Variants in GTF3C3 observed in about 807,000 individuals in gnomAD.
GTF3C3 encodes general transcription factor 3C polypeptide 3.
A neutral mutation model predicts 105.2 loss-of-function variants in GTF3C3; 75 were observed. That is an observed-to-expected ratio of 0.71 (90% CI 0.59 to 0.86). GTF3C3 has a LOEUF of 0.86. GTF3C3 is among the 40% of genes least tolerant of loss of function. The pLI, the probability that GTF3C3 is intolerant of heterozygous loss-of-function variation, is 0.00. For missense variants in GTF3C3, 856 were observed against 1,076.5 expected (o/e 0.80, Z 2.87); for synonymous variants, 335 against 370.4 (o/e 0.90, Z 1.10).
intron 8 of GTF3C3, among the ~76,000 whole-genome samples, chr2:196,782,628 A>C (rs1576028000): frequency 2.0e-5 from 3 of 152,260 alleles, no homozygotes; most frequent in African/African-American, 4.8e-5. Flanking sequence ...TGCAAACAAA[A>C]AAAAAAAATA....
chr2:196,792,926 T>G, intron 3 of GTF3C3, 30 bp downstream of exon 3: 1 of 1,488,386 alleles, frequency 6.7e-7, no homozygotes, highest in Non-Finnish European at 9.3e-7. Flanking sequence ...TCTTCATTGT[T>G]TATAAATACC....
In GTF3C3 at chr2:196,764,592, T is replaced by G. The variant is rs1174617096; in HGVS notation, c.2632A>C (p.Thr878Pro). The G allele has an allele frequency of 6.2e-7, 1 of 1,613,972 alleles. No homozygotes were observed. The highest frequency in any genetic ancestry group is 8.5e-7 in the Non-Finnish European group (1 of 1,179,858). Residue 878 changes from threonine to proline, a missense_variant, in exon 18 of 18, where the codon ACG becomes CCG. Thr to Pro is a conservative substitution (Grantham distance 38). Transcript: ENST00000263956. The stretch of plus-strand genomic sequence containing the variant: ...ATAGAACAATAGGTATACAAAAGCG[T>G]TTGAGCCATTCCGGTATTCCCACTG... ...QSSGNTGMAQ[T>P]LLYTYCSI is the part of the protein sequence containing the mutation.
chr2:196,787,702 T>C (rs1294384915), intron 6 of GTF3C3, among the ~76,000 whole-genome samples: 1 of 152,180 alleles, frequency 6.6e-6, no homozygotes, highest in Non-Finnish European at 1.5e-5. Flanking sequence ...CTTATCAACA[T>C]CTGATGTACT....
At chr2:196,783,947 C>G (rs1296621093) in intron 8 of GTF3C3, among the ~76,000 whole-genome samples, 1 of 152,148 alleles carries the variant, frequency 6.6e-6, no homozygotes, top group Non-Finnish European at 1.5e-5. Context: ...CTTTCCACTT[C>G]AACATTTATC....
Position 196,797,878 on chromosome 2 carries a change from C to T in GTF3C3, c.133G>A (p.Glu45Lys), listed in dbSNP as rs369631581. The change falls in exon 2 of 18, where the codon GAA becomes AAA. Residue 45 changes from glutamate (E) to lysine (K), a missense_variant. By Grantham distance (56) the Glu-to-Lys change is moderately conservative (BLOSUM62 1). Coordinates refer to ENST00000263956, the MANE Select transcript of GTF3C3 (RefSeq NM_012086.5). ...SLQEKGKLSA[E>K]ENPDDSEVPS... is the part of the protein sequence containing the mutation. ...ACTTCAGAGTCATCGGGATTTTCTTCAGCTGATAACTTGCCTTTTTCCTGA... is the reference window on the plus strand; with the variant it reads ...ACTTCAGAGTCATCGGGATTTTCTTTAGCTGATAACTTGCCTTTTTCCTGA... 1 of 1,610,922 alleles carries T rather than the reference C, an allele frequency of 6.2e-7. No individual in the cohort carries two copies. Among genetic ancestry groups the T allele is most frequent in the Non-Finnish European group, 8.5e-7 (1 of 1,177,216 alleles).
chr2:196,779,860 T>C (rs958916559), intron 9 of GTF3C3, among the ~76,000 whole-genome samples: 1 of 152,080 alleles, frequency 6.6e-6, no homozygotes, highest in African/African-American at 2.4e-5. Context: ...TTTGTATTTT[T>C]TGTAGGCGTA....
At chr2:196,777,039 A>T (rs1279382926) in intron 10 of GTF3C3, among the ~76,000 whole-genome samples, 3 of 152,234 alleles carry the variant, frequency 2.0e-5, no homozygotes, top group Non-Finnish European at 2.9e-5. Flanking sequence ...TCGGCAGACC[A>T]GTGTAACCCA....
intron 3 of GTF3C3, 22 bp downstream of exon 3, chr2:196,792,934 A>G (rs979588928): frequency 1.3e-6 from 2 of 1,534,424 alleles, no homozygotes; most frequent in African/African-American, 2.7e-5. Context: ...GTTTATAAAT[A>G]CCAAAATAAG....
chr2:196,772,005 A>G, intron 14 of GTF3C3, 67 bp from the exon 15 acceptor site: 2 of 1,041,502 alleles, frequency 1.9e-6, no homozygotes, highest in Non-Finnish European at 3.0e-6. Context: ...TAAAAATGAA[A>G]CCCTTCAGTG....
Position 196,785,500 on chromosome 2 carries a change from CTTCCATGGAG to C in GTF3C3, c.972_981del (p.Ser325MetfsTer4). 6.2e-7 allele frequency: 1 copy of C among 1,609,916 alleles called. No homozygotes were observed. The highest frequency in any genetic ancestry group is 8.5e-7 in the Non-Finnish European group (1 of 1,176,734). The stretch of plus-strand genomic sequence containing the variant: ...TATAGTTCAGCTGCTATGTTAACAT[CTTCCATGGAG>C]ACTAGGCCCTGGTGTTTTGAGAAAG... On this transcript the variant is annotated frameshift_variant, in exon 7 of 18. Coordinates refer to ENST00000263956, the MANE Select transcript of GTF3C3 (RefSeq NM_012086.5). LOFTEE classifies it high-confidence loss of function.
intron 6 of GTF3C3, among the ~76,000 whole-genome samples, chr2:196,787,590 A>G (rs961036705): frequency 1.3e-5 from 2 of 152,188 alleles, no homozygotes; most frequent in Admixed American, 1.3e-4. Flanking sequence ...CATAATACAG[A>G]GAATTATGTC....
At position 196,798,173 on chromosome 2, in the gene GTF3C3, T is replaced by TA. The variant is rs745914235; in HGVS notation, c.103-266dup. Among the ~76,000 whole-genome samples, 137 of 151,460 alleles carry TA rather than the reference T, an allele frequency of 9.0e-4. 1 individual carries two copies. The highest frequency in any genetic ancestry group is 3.4e-3 in the Middle Eastern group (1 of 294). ...ATCTTACCCTTCAATCTGTCATTTGTAAAAAAAAATAAATAAAATATCTTA... is the reference window on the plus strand; with the variant it reads ...ATCTTACCCTTCAATCTGTCATTTGTAAAAAAAAAATAAATAAAATATCTTA... On this transcript the variant is annotated intron_variant, in intron 1 of 17. Transcript: ENST00000263956.
At chr2:196,777,719 A>G (rs1047163298) in intron 10 of GTF3C3, 1 of 152,152 alleles carries the variant, frequency 6.6e-6, no homozygotes, top group Non-Finnish European at 1.5e-5. Context: ...TTTCTTATAT[A>G]CTGATCCCAA....
At chr2:196,790,886 T>TA (rs899210745) in intron 4 of GTF3C3, among the ~76,000 whole-genome samples, 157 of 151,360 alleles carry the variant, frequency 1.0e-3, no homozygotes, top group South Asian at 1.0e-3. Context: ...AGTAATTAGT[T>TA]AAAAAAAAAT....
chr2:196,778,869 C>G, intron 10 of GTF3C3, 27 bp downstream of exon 10: 2 of 1,604,886 alleles, frequency 1.2e-6, no homozygotes, highest in Middle Eastern at 1.7e-4. Flanking sequence ...ATGATTAAAA[C>G]TTCTTCCTCC....
At chr2:196,794,066 T>C (rs1220288276) in intron 2 of GTF3C3, among the ~76,000 whole-genome samples, 2 of 152,116 alleles carry the variant, frequency 1.3e-5, no homozygotes, top group African/African-American at 2.4e-5. Context: ...ATTAATCCAT[T>C]CATGATTTAA....
chr2:196,777,196 A>T (rs1576023001), intron 10 of GTF3C3, among the ~76,000 whole-genome samples: 1 of 152,318 alleles, frequency 6.6e-6, no homozygotes, highest in African/African-American at 2.4e-5. Context: ...CCCACATGAC[A>T]CATCAGTCCA....
intron 1 of GTF3C3, among the ~76,000 whole-genome samples, chr2:196,798,241 A>G (rs1699679527): frequency 6.6e-6 from 1 of 152,190 alleles, no homozygotes; most frequent in Non-Finnish European, 1.5e-5. Context: ...TATTTTAAAT[A>G]AAAAATGACT....
chr2:196,794,393 G>T (rs920990337), intron 2 of GTF3C3, among the ~76,000 whole-genome samples: 6 of 151,992 alleles, frequency 3.9e-5, no homozygotes, highest in Non-Finnish European at 7.4e-5. Context: ...AGTATATATA[G>T]AGAGATATAT....
Sources: allele counts gnomAD v4.1 joint callset (sites outside exome capture counted in the v4.1 genomes callset), GRCh38; gene constraint gnomAD v4.1.1; transcripts MANE v1.5; gene names NCBI Gene and HGNC (gene_info 2026-07-23, HGNC 2026-07-21).